Variants in MICU2 observed in about 807,000 individuals in gnomAD.
MICU2 encodes the protein calcium uptake protein 2, mitochondrial.
MICU2 carries 64 observed loss-of-function variants against 60.4 expected under a neutral mutation model. That is an observed-to-expected ratio of 1.06 (90% confidence interval 0.87 to 1.31). The LOEUF (loss-of-function observed/expected upper bound fraction) is 1.31, where lower values mean the gene tolerates loss of function less well. Among genes scored for constraint, MICU2 ranks in the 50% most tolerant of loss-of-function variants. The pLI, the probability that MICU2 is intolerant of heterozygous loss-of-function variation, is 0.00. For missense variants in MICU2, 569 were observed against 531.0 expected (o/e 1.07, Z -0.70); for synonymous variants, 201 against 175.0 (o/e 1.15, Z -1.17).
At position 21,554,638 on chromosome 13, in the gene MICU2, C is replaced by A. The variant is rs567851352; in HGVS notation, c.358+12159G>T. On this transcript the variant is annotated intron_variant, in intron 2 of 11. Coordinates refer to ENST00000382374, the MANE Select transcript of MICU2 (RefSeq NM_152726.3). The stretch of plus-strand genomic sequence containing the variant: ...ATTAAAAGAACTAGAGAAGCAAGGG[C>A]AAACACATTCAAAAGCTAGCGGAAG... Among the ~76,000 whole-genome samples the A allele has an allele frequency of 6.6e-5, 10 of 152,100 alleles. No individual in the cohort carries two copies. The South Asian group carries it at 2.1e-3, about 32-fold the overall frequency.
At chr13:21,553,950 G>A (rs1202361525) in intron 2 of MICU2, among the ~76,000 whole-genome samples, 1 of 152,098 alleles carries the variant, frequency 6.6e-6, no homozygotes, top group East Asian at 1.9e-4. Context: ...ATTACATAAT[G>A]GTAAAGGGAT....
At chr13:21,576,956 T>G (rs1057160338) in intron 1 of MICU2, among the ~76,000 whole-genome samples, 4 of 152,236 alleles carry the variant, frequency 2.6e-5, no homozygotes, top group African/African-American at 9.6e-5. Flanking sequence ...CAAAAAATTT[T>G]AAAACTTTCA....
intron 4 of MICU2, among the ~76,000 whole-genome samples, chr13:21,535,478 A>C (rs920340672): frequency 6.6e-6 from 1 of 152,204 alleles, no homozygotes; most frequent in Non-Finnish European, 1.5e-5. Context: ...GCTCTGATCT[A>C]AATATTGGTA....
chr13:21,529,184 TTG>T lies in MICU2; in HGVS notation c.467-6536_467-6535del. On this transcript the variant is annotated intron_variant, in intron 4 of 11. Coordinates refer to ENST00000382374, the MANE Select transcript of MICU2 (RefSeq NM_152726.3). ...ATACTTAGGTAAAATTGGAAAGACT[TTG>T]TGTTTGATTGAATATGAAGGGTGGG... Among the ~76,000 whole-genome samples the T allele has an allele frequency of 2.0e-5, 3 of 152,156 alleles. No homozygotes were observed. In the South Asian group the frequency reaches 6.2e-4, roughly 32 times the overall value.
chr13:21,571,420 G>A (rs959412010), intron 1 of MICU2, among the ~76,000 whole-genome samples: 2 of 152,148 alleles, frequency 1.3e-5, no homozygotes, highest in Admixed American at 6.6e-5. Context: ...ATATTAGGCT[G>A]GGCACGGGGG....
intron 6 of MICU2, among the ~76,000 whole-genome samples, chr13:21,515,082 A>T (rs1308987673): frequency 1.4e-5 from 1 of 73,464 alleles, no homozygotes; most frequent in African/African-American, 5.2e-5. Context: ...TTTCAAGTAT[A>T]TAGTTTTTTT....
intron 1 of MICU2, among the ~76,000 whole-genome samples, chr13:21,575,305 C>G (rs1403189031): frequency 6.6e-6 from 1 of 151,870 alleles, no homozygotes; most frequent in Non-Finnish European, 1.5e-5. Context: ...GATTAAATAA[C>G]TGAACGGAAT....
chr13:21,533,183 G>A (rs1887045286), intron 4 of MICU2, among the ~76,000 whole-genome samples: 2 of 152,012 alleles, frequency 1.3e-5, no homozygotes, highest in Admixed American at 1.3e-4. Context: ...AAGAAAAAAT[G>A]CCTTAAAAAG....
intron 2 of MICU2, among the ~76,000 whole-genome samples, chr13:21,543,647 C>CT (rs1887336081): frequency 6.6e-6 from 1 of 152,094 alleles, no homozygotes; most frequent in Non-Finnish European, 1.5e-5. Flanking sequence ...CTACAAAACA[C>CT]TGACGAAAGA....
At chr13:21,576,881 C>A (rs959825192) in intron 1 of MICU2, among the ~76,000 whole-genome samples, 2 of 152,028 alleles carry the variant, frequency 1.3e-5, no homozygotes, top group Non-Finnish European at 2.9e-5. Flanking sequence ...TGATTGCACA[C>A]AAATAGATTT....
At chr13:21,592,218 A>G (rs1327107796) in intron 1 of MICU2, among the ~76,000 whole-genome samples, 2 of 152,230 alleles carry the variant, frequency 1.3e-5, no homozygotes, top group Admixed American at 1.3e-4. Flanking sequence ...AACTACCATC[A>G]GAAAATACTA....
chr13:21,530,786 C>T (rs1332289227), intron 4 of MICU2: 11 of 665,916 alleles, frequency 1.7e-5, no homozygotes, highest in Admixed American at 4.5e-5. Context: ...CCAGCAGCAG[C>T]ACCAGGAAGA....
chr13:21,556,065 A>C (rs375532972), intron 2 of MICU2, among the ~76,000 whole-genome samples: 1 of 152,028 alleles, frequency 6.6e-6, no homozygotes, highest in South Asian at 2.1e-4. Flanking sequence ...CTACTGCTTC[A>C]TCTCTCTCTT....
At chr13:21,519,316 C>T (rs1886658234) in intron 6 of MICU2, among the ~76,000 whole-genome samples, 1 of 152,134 alleles carries the variant, frequency 6.6e-6, no homozygotes, top group African/African-American at 2.4e-5. Flanking sequence ...CCTCAGCCTC[C>T]CAAAGGGCTG....
At chr13:21,517,954 A>C (rs138075118) in intron 6 of MICU2, among the ~76,000 whole-genome samples, 288 of 152,304 alleles carry the variant, frequency 1.9e-3, no homozygotes, top group African/African-American at 6.8e-3. Context: ...CTCTATGGGT[A>C]ATCAACTTTA....
At chr13:21,571,818 T>C (rs1888118354) in intron 1 of MICU2, among the ~76,000 whole-genome samples, 1 of 152,240 alleles carries the variant, frequency 6.6e-6, no homozygotes, top group Non-Finnish European at 1.5e-5. Flanking sequence ...TAAAGGTGGC[T>C]CTGACAGCTG....
chr13:21,558,609 CT>C (rs1887765129), intron 2 of MICU2, among the ~76,000 whole-genome samples: 1 of 152,016 alleles, frequency 6.6e-6, no homozygotes, highest in Admixed American at 6.5e-5. Context: ...TTTGTTTTAC[CT>C]GTTGCCCACA....
chr13:21,579,356 T>TC, intron 1 of MICU2, among the ~76,000 whole-genome samples: 1 of 152,002 alleles, frequency 6.6e-6, no homozygotes, highest in Middle Eastern at 3.4e-3. Flanking sequence ...TTTTTTTTTT[T>TC]TGAGATGGAG....
intron 2 of MICU2, among the ~76,000 whole-genome samples, chr13:21,549,191 C>T (rs571830639): frequency 2.0e-5 from 3 of 152,026 alleles, no homozygotes; most frequent in East Asian, 1.9e-4. Context: ...GGCCTCCCAA[C>T]GTGCTGGGAT....
Sources: gnomAD v4.1 joint callset for allele counts (sites outside exome capture counted in the v4.1 genomes callset) on GRCh38, gnomAD v4.1.1 for gene constraint, MANE v1.5 for transcripts, NCBI Gene and HGNC (gene_info 2026-07-23, HGNC 2026-07-21) for gene names.